Variants in NKAIN2 observed in about 807,000 individuals in gnomAD.
NKAIN2 encodes the protein sodium/potassium transporting ATPase interacting 2.
NKAIN2 carries 14 observed loss-of-function variants against 32.6 expected under a neutral mutation model. The ratio of observed to expected loss-of-function variants is 0.43; its 90% CI spans 0.28 to 0.67. The LOEUF (loss-of-function observed/expected upper bound fraction) is 0.67, where lower values mean the gene tolerates loss of function less well. Among genes scored for constraint, NKAIN2 ranks in the 30% least tolerant of loss-of-function variants. The pLI is 0.17. For missense variants in NKAIN2, 198 were observed against 258.3 expected, an observed-to-expected ratio of 0.77 and a Z score of 1.60; for synonymous variants, 80 against 87.2, an observed-to-expected ratio of 0.92 and a Z score of 0.46.
chr6:124,551,093 T>C (rs1047730472), intron 3 of NKAIN2, among the ~76,000 whole-genome samples: 4 of 152,178 alleles, frequency 2.6e-5, no homozygotes, highest in African/African-American at 7.2e-5. Flanking sequence ...TTGACCAACC[T>C]AGAACTGCAG....
chr6:124,768,741 A>T (rs541969484), intron 4 of NKAIN2, among the ~76,000 whole-genome samples: 10 of 152,270 alleles, frequency 6.6e-5, no homozygotes, highest in South Asian at 6.2e-4. Flanking sequence ...GGAAAAAAAA[A>T]CAAAACTTTT....
intron 1 of NKAIN2, among the ~76,000 whole-genome samples, chr6:124,094,946 CA>C (rs1338437907): frequency 1.3e-5 from 2 of 152,088 alleles, no homozygotes; most frequent in African/African-American, 4.8e-5. Context: ...GACTTCTCTC[CA>C]CTTACAATCC....
intron 4 of NKAIN2, among the ~76,000 whole-genome samples, chr6:124,664,282 A>G (rs1014852935): frequency 2.0e-4 from 30 of 151,922 alleles, no homozygotes; most frequent in African/African-American, 6.8e-4. Flanking sequence ...CTCAAAAAAA[A>G]GAAAGAAAAA....
chr6:124,277,325 ATG>A (rs1219186384), intron 1 of NKAIN2, among the ~76,000 whole-genome samples: 1 of 152,108 alleles, frequency 6.6e-6, no homozygotes, highest in Non-Finnish European at 1.5e-5. Flanking sequence ...CTAAACTTTA[ATG>A]GTACCTACAG....
At chr6:124,210,319 A>T (rs751761751) in intron 1 of NKAIN2, among the ~76,000 whole-genome samples, 1 of 151,888 alleles carries the variant, frequency 6.6e-6, no homozygotes, top group African/African-American at 2.4e-5. Flanking sequence ...TGCCAGCACC[A>T]TGCTGTTTCG....
chr6:124,086,740 C>T (rs1158392794), intron 1 of NKAIN2, among the ~76,000 whole-genome samples: 1 of 151,826 alleles, frequency 6.6e-6, no homozygotes, highest in Non-Finnish European at 1.5e-5. Context: ...ACAAAACTCA[C>T]ACAAGAAGAA....
intron 1 of NKAIN2, among the ~76,000 whole-genome samples, chr6:123,824,508 A>G (rs1269529508): frequency 6.6e-6 from 1 of 152,108 alleles, no homozygotes; most frequent in Non-Finnish European, 1.5e-5. Flanking sequence ...GGGTACCATC[A>G]GCTCCTATGC....
In NKAIN2 at chr6:124,108,631, A is replaced by T. The variant is rs374221483; in HGVS notation, c.55-174374A>T. 2.6e-5 allele frequency among the ~76,000 whole-genome samples: 4 copies of T among 152,136 alleles called. No homozygotes were observed. The East Asian group carries it at 7.7e-4, about 29-fold the overall frequency. ...TCATTGCCTAGACCAAATATCAAGG[A>T]GCTTCCTCCCTATGTTTTCTTCTAA... On this transcript the variant is annotated intron_variant, in intron 1 of 6. Transcript: ENST00000368417.
At chr6:124,417,091 G>A (rs142944659) in intron 3 of NKAIN2, among the ~76,000 whole-genome samples, 7 of 152,284 alleles carry the variant, frequency 4.6e-5, no homozygotes, top group African/African-American at 1.7e-4. Flanking sequence ...TTAAGAATTA[G>A]GCAGACATCA....
chr6:124,790,661 A>G (rs1456234983), intron 4 of NKAIN2, among the ~76,000 whole-genome samples: 2 of 152,130 alleles, frequency 1.3e-5, no homozygotes, highest in Non-Finnish European at 2.9e-5. Context: ...CAATCTGAGA[A>G]AATAGAGAGA....
In NKAIN2 at chr6:124,092,100, G is replaced by C. The variant is rs570884511; in HGVS notation, c.55-190905G>C. 6.6e-5 allele frequency among the ~76,000 whole-genome samples: 10 copies of C among 152,064 alleles called. No homozygotes were observed. The South Asian group carries it at 2.1e-3, about 32-fold the overall frequency. The stretch of plus-strand genomic sequence containing the variant: ...CCATATGCCCTTTCACCTCAAGTAA[G>C]TTATAGGCTTCCTAAAGATAAAAAT... On this transcript the variant is annotated intron_variant, in intron 1 of 6. Coordinates refer to ENST00000368417, the MANE Select transcript of NKAIN2 (RefSeq NM_001040214.3).
intron 3 of NKAIN2, among the ~76,000 whole-genome samples, chr6:124,657,566 ACTT>A: frequency 6.6e-6 from 1 of 152,310 alleles, no homozygotes; most frequent in Non-Finnish European, 1.5e-5. Context: ...AAAAATATTT[ACTT>A]CTTAATTCTT....
intron 3 of NKAIN2, among the ~76,000 whole-genome samples, chr6:124,406,783 T>C (rs1773878410): frequency 6.6e-6 from 1 of 152,120 alleles, no homozygotes; most frequent in Non-Finnish European, 1.5e-5. Flanking sequence ...AGGCATGTAG[T>C]GCTATATAAT....
intron 4 of NKAIN2, among the ~76,000 whole-genome samples, chr6:124,720,473 C>G (rs568441774): frequency 3.3e-5 from 5 of 152,122 alleles, no homozygotes; most frequent in Admixed American, 6.5e-5. Flanking sequence ...TTTAAATACA[C>G]ACAGAAATAG....
chr6:124,667,153 T>C (rs1331684317), intron 4 of NKAIN2, among the ~76,000 whole-genome samples: 1 of 152,112 alleles, frequency 6.6e-6, no homozygotes, highest in Non-Finnish European at 1.5e-5. Flanking sequence ...ACCATTATTA[T>C]CAGGATGCAA....
intron 3 of NKAIN2, among the ~76,000 whole-genome samples, chr6:124,497,917 A>T (rs371006391): frequency 1.0e-3 from 158 of 150,784 alleles, no homozygotes; most frequent in African/African-American, 3.6e-3. Context: ...TTCATTCTGT[A>T]GGGGCTTTGA....
intron 1 of NKAIN2, among the ~76,000 whole-genome samples, chr6:124,022,981 T>C (rs1780938298): frequency 6.6e-6 from 1 of 151,904 alleles, no homozygotes; most frequent in Admixed American, 6.6e-5. Flanking sequence ...ATAGCCCAAG[T>C]CTCTCACAGT....
At chr6:124,647,122 T>TA (rs202124479) in intron 3 of NKAIN2, among the ~76,000 whole-genome samples, 138 of 150,338 alleles carry the variant, frequency 9.2e-4, no homozygotes, top group South Asian at 6.3e-3. Context: ...AGGAAAACTG[T>TA]AAAAAAAAAG....
intron 1 of NKAIN2, among the ~76,000 whole-genome samples, chr6:123,896,579 C>T (rs1048917126): frequency 6.6e-6 from 1 of 152,146 alleles, no homozygotes; most frequent in Non-Finnish European, 1.5e-5. Flanking sequence ...TTATTATCCC[C>T]AAGTTATAAG....
Sources: allele counts gnomAD v4.1 joint callset (sites outside exome capture counted in the v4.1 genomes callset), GRCh38; gene constraint gnomAD v4.1.1; transcripts MANE v1.5; gene names NCBI Gene and HGNC (gene_info 2026-07-23, HGNC 2026-07-21).